Variants in FAM241A observed in about 807,000 individuals in gnomAD.
The protein encoded by FAM241A is uncharacterized protein FAM241A.
FAM241A carries 7 observed loss-of-function variants against 12.2 expected under a neutral mutation model. The observed-to-expected ratio is 0.58, with a 90% confidence interval of 0.33 to 1.08. The LOEUF (loss-of-function observed/expected upper bound fraction) is 1.08. FAM241A is among the 50% of genes least tolerant of loss of function. The pLI is 0.04. For synonymous variants in FAM241A, 74 were observed against 68.2 expected (o/e 1.08, Z -0.42); for missense variants, 161 against 169.7 (o/e 0.95, Z 0.29).
At chr4:112,148,665 A>C (rs1267911426) in intron 1 of FAM241A, among the ~76,000 whole-genome samples, 2 of 152,202 alleles carry the variant, frequency 1.3e-5, no homozygotes, top group East Asian at 3.9e-4. Flanking sequence ...AATTTCAGGG[A>C]ATGTCCAAGA....
At chr4:112,168,804 A>C (rs1723652990) in intron 1 of FAM241A, among the ~76,000 whole-genome samples, 1 of 152,100 alleles carries the variant, frequency 6.6e-6, no homozygotes, top group African/African-American at 2.4e-5. Flanking sequence ...AGCTGGGATT[A>C]CAGGTGTGCA....
chr4:112,194,782 T>TTTTTG lies in FAM241A; in HGVS notation c.*7854_*7858dup, dbSNP rs1724234871. 6.6e-6 allele frequency: 1 copy of TTTTTG among 152,200 alleles called. No homozygotes were observed. The highest frequency in any genetic ancestry group is 2.1e-4 in the South Asian group (1 of 4,832). The allele number at this position is 152,200 out of a possible 1,614,324, so 9.4% of individuals were successfully genotyped here. A position where few individuals can be genotyped will look rare whatever the true frequency, so the allele number is the denominator to read the frequency against. Reference sequence around the variant, plus strand: ...TTTATTGAGGATTTTTATTTTTAATTTTTTGTTTTGTTTTTTGAGGCGAAG... The same window carrying TTTTTG: ...TTTATTGAGGATTTTTATTTTTAATTTTTTGTTTTGTTTTGTTTTTTGAGGCGAAG... On this transcript the variant is annotated 3_prime_UTR_variant, in exon 2 of 2. Transcript: ENST00000309733.
intron 1 of FAM241A, among the ~76,000 whole-genome samples, chr4:112,159,571 G>C (rs182878349): frequency 1.3e-5 from 2 of 152,134 alleles, no homozygotes; most frequent in South Asian, 2.1e-4. Context: ...ATACTAAAAA[G>C]GTTATTCATC....
intron 1 of FAM241A, among the ~76,000 whole-genome samples, chr4:112,175,614 G>A (rs1190667883): frequency 1.3e-5 from 2 of 151,826 alleles, no homozygotes; most frequent in African/African-American, 4.8e-5. Flanking sequence ...CTAAAAATAC[G>A]AAAATTAGCT....
intron 1 of FAM241A, among the ~76,000 whole-genome samples, chr4:112,169,219 G>A (rs1235629906): frequency 6.6e-6 from 1 of 152,142 alleles, no homozygotes; most frequent in Non-Finnish European, 1.5e-5. Context: ...ATGTTTTTAA[G>A]AATCAGTCCT....
At chr4:112,160,927 G>C (rs1445574210) in intron 1 of FAM241A, among the ~76,000 whole-genome samples, 1 of 152,134 alleles carries the variant, frequency 6.6e-6, no homozygotes, top group South Asian at 2.1e-4. Context: ...ATTAAAGACT[G>C]AAATTTAACA....
intron 1 of FAM241A, among the ~76,000 whole-genome samples, chr4:112,161,245 A>G (rs1033695879): frequency 6.6e-5 from 10 of 152,236 alleles, no homozygotes; most frequent in African/African-American, 2.4e-4. Context: ...CATCACAATT[A>G]AAAGAACTAG....
chr4:112,165,538 C>T (rs938484122), intron 1 of FAM241A, among the ~76,000 whole-genome samples: 1 of 152,118 alleles, frequency 6.6e-6, no homozygotes, highest in Non-Finnish European at 1.5e-5. Flanking sequence ...ATAAAGAAAA[C>T]GTGGTACTTA....
chr4:112,159,338 C>T (rs1245313407), intron 1 of FAM241A, among the ~76,000 whole-genome samples: 2 of 152,150 alleles, frequency 1.3e-5, no homozygotes, highest in Non-Finnish European at 2.9e-5. Flanking sequence ...ATTTTATTTG[C>T]TCCTACTGTA....
At chr4:112,156,461 A>C (rs930137318) in intron 1 of FAM241A, among the ~76,000 whole-genome samples, 1 of 152,100 alleles carries the variant, frequency 6.6e-6, no homozygotes, top group African/African-American at 2.4e-5. Flanking sequence ...GCCACTCCTC[A>C]CTGCCCTCTC....
chr4:112,153,326 A>C (rs1426938799), intron 1 of FAM241A, among the ~76,000 whole-genome samples: 1 of 152,172 alleles, frequency 6.6e-6, no homozygotes, highest in Non-Finnish European at 1.5e-5. Context: ...TAAAAGGAAA[A>C]ACTCAAAGTA....
At chr4:112,158,838 G>C (rs778113358) in intron 1 of FAM241A, among the ~76,000 whole-genome samples, 2 of 151,934 alleles carry the variant, frequency 1.3e-5, no homozygotes, top group African/African-American at 2.4e-5. Flanking sequence ...CTTTGTGTTG[G>C]GAACATTCAA....
intron 1 of FAM241A, among the ~76,000 whole-genome samples, chr4:112,179,914 G>GAGATATATATAT (rs1479640205): frequency 5.1e-5 from 6 of 117,768 alleles, no homozygotes; most frequent in African/African-American, 2.1e-4. Context: ...AAGAAAATGT[G>GAGATATATATAT]ATATATATAT....
In FAM241A at chr4:112,163,638, G is replaced by A. The variant is rs570671020; in HGVS notation, c.153+17905G>A. On this transcript the variant is annotated intron_variant, in intron 1 of 1. Coordinates refer to ENST00000309733, the MANE Select transcript of FAM241A (RefSeq NM_152400.3). ...ACCATCTCACACCAGTTAGAATGACGATTATTAAAAAGTTAGGAAACAACT... is the reference window on the plus strand; with the variant it reads ...ACCATCTCACACCAGTTAGAATGACAATTATTAAAAAGTTAGGAAACAACT... Among the ~76,000 whole-genome samples, 3 of 152,246 alleles carry A rather than the reference G, an allele frequency of 2.0e-5. 1 individual carries two copies. The highest frequency in any genetic ancestry group is 3.9e-4 in the East Asian group (2 of 5,186).
chr4:112,182,490 C>T (rs904223750), intron 1 of FAM241A, among the ~76,000 whole-genome samples: 4 of 150,320 alleles, frequency 2.7e-5, no homozygotes, highest in Non-Finnish European at 5.9e-5. Flanking sequence ...CTCAGCTTGT[C>T]AATGTTGTAA....
intron 1 of FAM241A, among the ~76,000 whole-genome samples, chr4:112,150,251 G>A (rs942040551): frequency 8.4e-4 from 127 of 151,918 alleles, no homozygotes; most frequent in Non-Finnish European, 1.5e-3. Context: ...ATTAAAGTCT[G>A]TATTAAGTTT....
chr4:112,151,207 G>A lies in FAM241A; in HGVS notation c.153+5474G>A, dbSNP rs567458715. 2.0e-5 allele frequency among the ~76,000 whole-genome samples: 3 copies of A among 152,188 alleles called. No individual in the cohort carries two copies. In the South Asian group the frequency reaches 6.2e-4, roughly 32 times the overall value. ...ATTGTCGCCCACTTAGTTCACACAA[G>A]ATCTGGTTGTTTAAAAGAATCTGGG... On this transcript the variant is annotated intron_variant, in intron 1 of 1. Coordinates refer to ENST00000309733, the MANE Select transcript of FAM241A (RefSeq NM_152400.3).
chr4:112,174,495 T>C lies in FAM241A; in HGVS notation c.154-12198T>C, dbSNP rs558591874. 1.2e-3 allele frequency among the ~76,000 whole-genome samples: 188 copies of C among 152,318 alleles called. 1 individual carries two copies. The highest frequency in any genetic ancestry group is 1.5e-3 in the East Asian group (8 of 5,188). On this transcript the variant is annotated intron_variant, in intron 1 of 1. Transcript: ENST00000309733. ...ACTTGGGAAAGGGAATGGAGAACTT[T>C]CCGGGCTAAGTTTGTTGTTGAAAGC...
rs1578383007 is a variant in FAM241A, at chr4:112,191,784, A to G, written c.*4846A>G. On this transcript the variant is annotated 3_prime_UTR_variant, in exon 2 of 2. Coordinates refer to ENST00000309733, the MANE Select transcript of FAM241A (RefSeq NM_152400.3). Reference sequence around the variant, plus strand: ...GCAACCCTGTGCTTTCCAGGTCAGCACTTCTCATGCTATATTGCAATAGCT... The same window carrying G: ...GCAACCCTGTGCTTTCCAGGTCAGCGCTTCTCATGCTATATTGCAATAGCT... The G allele has an allele frequency of 6.6e-6, 1 of 152,146 alleles. No homozygotes were observed. Among genetic ancestry groups the G allele is most frequent in the Admixed American group, 6.5e-5 (1 of 15,272 alleles). The allele number at this position is 152,146 out of a possible 1,614,324, so 9.4% of individuals were successfully genotyped here. A position where few individuals can be genotyped will look rare whatever the true frequency, so the allele number is the denominator to read the frequency against.
Sources: gnomAD v4.1 joint callset for allele counts (sites outside exome capture counted in the v4.1 genomes callset) on GRCh38, gnomAD v4.1.1 for gene constraint, MANE v1.5 for transcripts, NCBI Gene and HGNC (gene_info 2026-07-23, HGNC 2026-07-21) for gene names.